NCOA6: variants seen among roughly 807,000 people sequenced by gnomAD.
NCOA6 encodes the protein NRC RAP250.
A neutral mutation model predicts 171.4 loss-of-function variants in NCOA6; 49 were observed. That is an observed-to-expected ratio of 0.29 (90% CI 0.23 to 0.36). NCOA6 has a LOEUF of 0.36. Among genes scored for constraint, NCOA6 ranks in the 10% least tolerant of loss-of-function variants. NCOA6 has a pLI of 1.00. For missense variants in NCOA6, 2,248 were observed against 2,554.5 expected (o/e 0.88, Z 2.59); for synonymous variants, 910 against 927.5 (o/e 0.98, Z 0.34).
chr20:34,777,552 T>C (rs1405245540), intron 3 of NCOA6, among the ~76,000 whole-genome samples: 2 of 151,548 alleles, frequency 1.3e-5, no homozygotes, highest in African/African-American at 4.9e-5. Context: ...GAGGCGGAGG[T>C]TGCTGTGAGC....
At chr20:34,798,734 C>A (rs1180378181) in intron 1 of NCOA6, among the ~76,000 whole-genome samples, 1 of 152,170 alleles carries the variant, frequency 6.6e-6, no homozygotes, top group Non-Finnish European at 1.5e-5. Flanking sequence ...AAGGTGGTAC[C>A]TCTATGAGTC....
chr20:34,763,203 C>T lies in NCOA6; in HGVS notation c.515-4270G>A, dbSNP rs79660521. On this transcript the variant is annotated intron_variant, in intron 5 of 14. Transcript: ENST00000359003. ...CATTCTTTCTTTGACTGTCATCCCTCCTCAATTTCTTTATCTTCTTCAGGA... is the reference window on the plus strand; with the variant it reads ...CATTCTTTCTTTGACTGTCATCCCTTCTCAATTTCTTTATCTTCTTCAGGA... Among the ~76,000 whole-genome samples, 1,116 of 152,216 alleles carry T rather than the reference C, an allele frequency of 7.3e-3. 13 individuals are homozygous for T. Among genetic ancestry groups the T allele is most frequent in the African/African-American group, 0.024 (1,015 of 41,530 alleles).
At chr20:34,725,416 T>C (rs925077470) in intron 14 of NCOA6, among the ~76,000 whole-genome samples, 1 of 152,054 alleles carries the variant, frequency 6.6e-6, no homozygotes, top group African/African-American at 2.4e-5. Flanking sequence ...AGAAGAGAGG[T>C]GGGCAGAGAG....
rs888332154 is a variant in NCOA6 at position 34,816,870 on chromosome 20, C to CA, written c.-164+8601dup. ...GTGCAGTGGCTCACACCTGTAATCC[C>CA]AGCACTTTGGGAGGCCGAGGCAGGT... On this transcript the variant is annotated intron_variant, in intron 1 of 14. Transcript: ENST00000359003. Among the ~76,000 whole-genome samples the CA allele has an allele frequency of 8.8e-4, 133 of 151,588 alleles. 2 individuals are homozygous for CA. Among genetic ancestry groups the CA allele is most frequent in the Admixed American group, 8.6e-3 (130 of 15,200 alleles).
chr20:34,807,682 G>C (rs2078501280), intron 1 of NCOA6, among the ~76,000 whole-genome samples: 1 of 151,918 alleles, frequency 6.6e-6, no homozygotes, highest in Admixed American at 6.6e-5. Context: ...CCTGCCACTA[G>C]TCCTGGCTAA....
At chr20:34,809,944 G>A (rs2078598432) in intron 1 of NCOA6, among the ~76,000 whole-genome samples, 1 of 152,098 alleles carries the variant, frequency 6.6e-6, no homozygotes. Context: ...CTCCAGCCTG[G>A]GTGACAGAGC....
In NCOA6 at chr20:34,758,022, T is replaced by A. The variant is rs1467649485; in HGVS notation, c.726A>T (p.Pro242=). ...GTCTGTTCACAGAGACAGGCTGCAT[T>A]GGGTGATGTGGGGGAGCTAAAGATC... is the stretch of plus-strand genomic sequence containing the variant. ...PSGSLAPPHH[P]MQPVSVNRQM... Residue 242 remains proline (P), a synonymous_variant, in exon 7 of 15, where the codon CCA becomes CCT. Coordinates refer to ENST00000359003, the MANE Select transcript of NCOA6 (RefSeq NM_014071.5). 5 of 1,614,018 alleles carry A rather than the reference T, an allele frequency of 3.1e-6. No individual in the cohort carries two copies. Among genetic ancestry groups the A allele is most frequent in the Non-Finnish European group, 4.2e-6 (5 of 1,180,020 alleles).
intron 4 of NCOA6, among the ~76,000 whole-genome samples, chr20:34,770,693 C>T (rs1156304301): frequency 3.3e-5 from 5 of 151,078 alleles, no homozygotes; most frequent in Non-Finnish European, 7.4e-5. Context: ...TGCAATGGCG[C>T]GATCTCGGAT....
Position 34,741,038 on chromosome 20 carries a change from G to T in NCOA6, c.5218C>A (p.Pro1740Thr). 1 of 1,614,202 alleles carries T rather than the reference G, an allele frequency of 6.2e-7. No homozygotes were observed. Among genetic ancestry groups the T allele is most frequent in the South Asian group, 1.1e-5 (1 of 91,080 alleles). The part of the protein sequence containing the change: ...RPLVLSSRAT[P>T]VQLPSPPCTS... ...CAAGGAGGGGAAGGAAGCTGAACAG[G>T]GGTGGCTCGTGAGCTAAGGACCAAA... The change falls in exon 11 of 15, where the codon CCT (proline) becomes ACT (threonine). Residue 1740 changes from proline (P) to threonine (T), a missense_variant. Pro to Thr is a conservative substitution (Grantham distance 38). This residue lies in a region of NCOA6 where 884 missense variants were observed against 941.9 expected (regional missense o/e 0.94). Coordinates refer to ENST00000359003, the MANE Select transcript of NCOA6 (RefSeq NM_014071.5).
rs375316850 is a variant in NCOA6 at position 34,757,805 on chromosome 20, G to A, written c.943C>T (p.Pro315Ser). 6.2e-7 allele frequency: 1 copy of A among 1,614,056 alleles called. No individual in the cohort carries two copies. The highest frequency in any genetic ancestry group is 8.5e-7 in the Non-Finnish European group (1 of 1,180,042). ...QFTAPTQVPV[P>S]PGWNQLPSGA... is the part of the protein sequence containing the mutation. The stretch of plus-strand genomic sequence containing the variant: ...GAAGGCAGCTGGTTCCAGCCTGGAG[G>A]AACAGGCACCTGAGTTGGGGCAGTA... Residue 315 changes from proline (P) to serine (S), a missense_variant, in exon 7 of 15, where the codon CCT becomes TCT. By Grantham distance (74) the Pro-to-Ser change is moderately conservative. This residue lies in a region of NCOA6 where 987 missense variants were observed against 1,104.7 expected (regional missense o/e 0.89). Coordinates refer to ENST00000359003, the MANE Select transcript of NCOA6 (RefSeq NM_014071.5).
intron 7 of NCOA6, among the ~76,000 whole-genome samples, chr20:34,756,513 A>G (rs1192330368): frequency 6.6e-6 from 1 of 152,248 alleles, no homozygotes; most frequent in Non-Finnish European, 1.5e-5. Context: ...GCACTAGATC[A>G]ATGATTAATA....
chr20:34,796,040 T>C (rs1568866863), intron 1 of NCOA6, among the ~76,000 whole-genome samples: 1 of 143,298 alleles, frequency 7.0e-6, no homozygotes, highest in Non-Finnish European at 1.5e-5. Context: ...AGACAGAGTC[T>C]TGCTCTGTCA....
chr20:34,803,679 G>A (rs1197743370), intron 1 of NCOA6, among the ~76,000 whole-genome samples: 1 of 152,014 alleles, frequency 6.6e-6, no homozygotes, highest in East Asian at 1.9e-4. Flanking sequence ...AACTGATTTT[G>A]TGGTCAAAGA....
At chr20:34,726,679 G>A (rs1205919243) in intron 14 of NCOA6, among the ~76,000 whole-genome samples, 4 of 152,092 alleles carry the variant, frequency 2.6e-5, no homozygotes, top group Non-Finnish European at 5.9e-5. Context: ...CAGCTACTCA[G>A]GACGCTGAGG....
At chr20:34,761,858 G>A (rs899887652) in intron 5 of NCOA6, among the ~76,000 whole-genome samples, 2 of 152,130 alleles carry the variant, frequency 1.3e-5, no homozygotes, top group Non-Finnish European at 2.9e-5. Context: ...GTTTCACTAT[G>A]TTGGCCAGGC....
In NCOA6 at chr20:34,741,119, C is replaced by T. The variant is rs1174960530; in HGVS notation, c.5137G>A (p.Val1713Ile). 3 of 1,614,176 alleles carry T rather than the reference C, an allele frequency of 1.9e-6. No individual in the cohort carries two copies. Among genetic ancestry groups the T allele is most frequent in the South Asian group, 1.1e-5 (1 of 91,086 alleles). The change falls in exon 11 of 15, where the codon GTA becomes ATA. Residue 1713 changes from valine (V) to isoleucine (I), a missense_variant. This residue lies in a region of NCOA6 where 884 missense variants were observed against 941.9 expected (regional missense o/e 0.94). Coordinates refer to ENST00000359003, the MANE Select transcript of NCOA6 (RefSeq NM_014071.5). ...PQNIKFSSAP[V>I]PPNALSSSPA... ...CTACTGGAGAGGGCATTAGGCGGTA[C>T]AGGAGCAGAAGAAAATTTTATGTTC...
At chr20:34,769,997 A>C (rs2077097035) in intron 4 of NCOA6, among the ~76,000 whole-genome samples, 1 of 151,060 alleles carries the variant, frequency 6.6e-6, no homozygotes. Flanking sequence ...AAAGTTAATG[A>C]GGTATGGCAG....
At chr20:34,803,259 G>C (rs1265045656) in intron 1 of NCOA6, among the ~76,000 whole-genome samples, 1 of 152,096 alleles carries the variant, frequency 6.6e-6, no homozygotes, top group East Asian at 1.9e-4. Flanking sequence ...CTTGAGGTCA[G>C]GAGTTCAAGA....
chr20:34,764,238 C>T (rs1468325260), intron 5 of NCOA6, among the ~76,000 whole-genome samples: 1 of 152,076 alleles, frequency 6.6e-6, no homozygotes, highest in East Asian at 1.9e-4. Flanking sequence ...CAGGCGTCCG[C>T]CACCACACCC....
Sources: gnomAD v4.1 joint callset for allele counts (sites outside exome capture counted in the v4.1 genomes callset) on GRCh38, gnomAD v4.1.1 for gene constraint, gnomAD v4.1.1 regional missense constraint, MANE v1.5 for transcripts, NCBI Gene and HGNC (gene_info 2026-07-23, HGNC 2026-07-21) for gene names.